The following CDKAL1 variants were observed in gnomAD, a reference collection of about 807,000 sequenced individuals.
The protein encoded by CDKAL1 is threonylcarbamoyladenosine tRNA methylthiotransferase.
Under a neutral mutation model 68.2 loss-of-function variants are expected in CDKAL1, and 32 were observed. The observed-to-expected ratio is 0.47, with a 90% confidence interval of 0.35 to 0.63. The LOEUF is 0.63. Among genes scored for constraint, CDKAL1 ranks in the 30% least tolerant of loss-of-function variants. The pLI is 0.00. For missense variants in CDKAL1, 606 were observed against 696.7 expected (o/e 0.87, Z 1.47); for synonymous variants, 234 against 244.3 (o/e 0.96, Z 0.39).
chr6:21,065,676 C>CTTTTTTTTTTT (rs200076110), intron 12 of CDKAL1, among the ~76,000 whole-genome samples: 1 of 133,234 alleles, frequency 7.5e-6, no homozygotes, highest in Non-Finnish European at 1.6e-5. Context: ...ATCTTTCTAC[C>CTTTTTTTTTTT]TTTTTTTTTT....
chr6:20,924,210 G>C (rs1030572892), intron 9 of CDKAL1, among the ~76,000 whole-genome samples: 1 of 146,348 alleles, frequency 6.8e-6, no homozygotes, highest in Non-Finnish European at 1.5e-5. Context: ...GAGTGGTCTA[G>C]ATAGAGTTAG....
chr6:21,105,686 G>A (rs1220711268), intron 12 of CDKAL1, among the ~76,000 whole-genome samples: 2 of 152,106 alleles, frequency 1.3e-5, no homozygotes, highest in Admixed American at 6.6e-5. Context: ...CCTAGAACAC[G>A]GGATACCAGT....
chr6:21,008,353 G>A (rs1383028946), intron 11 of CDKAL1, among the ~76,000 whole-genome samples: 1 of 152,168 alleles, frequency 6.6e-6, no homozygotes, highest in Non-Finnish European at 1.5e-5. Flanking sequence ...CAATATTTCA[G>A]TAATAATGGG....
intron 11 of CDKAL1, among the ~76,000 whole-genome samples, chr6:21,047,459 G>GTT (rs1770305910): frequency 6.6e-6 from 1 of 152,178 alleles, no homozygotes; most frequent in Non-Finnish European, 1.5e-5. Context: ...AGTCAAAACA[G>GTT]GGATTAATCA....
At chr6:20,642,005 T>G (rs1024707968) in intron 4 of CDKAL1, among the ~76,000 whole-genome samples, 3 of 152,224 alleles carry the variant, frequency 2.0e-5, no homozygotes, top group Non-Finnish European at 4.4e-5. Flanking sequence ...TTTCCCATTC[T>G]TTTGCTTGCA....
intron 9 of CDKAL1, among the ~76,000 whole-genome samples, chr6:20,899,386 C>T (rs1761858399): frequency 1.3e-5 from 2 of 152,080 alleles, no homozygotes; most frequent in Middle Eastern, 3.2e-3. Context: ...GCCACCACGC[C>T]ACAGTACGTC....
chr6:20,706,679 T>C (rs1771609414), intron 5 of CDKAL1, among the ~76,000 whole-genome samples: 1 of 152,246 alleles, frequency 6.6e-6, no homozygotes, highest in African/African-American at 2.4e-5. Flanking sequence ...ATATCTGTTA[T>C]ACAAGGTCAT....
At chr6:20,676,987 A>G (rs1032279761) in intron 5 of CDKAL1, among the ~76,000 whole-genome samples, 4 of 152,178 alleles carry the variant, frequency 2.6e-5, no homozygotes, top group African/African-American at 9.6e-5. Flanking sequence ...ATTTGCATAG[A>G]AGTCTGCAAA....
chr6:21,147,148 A>G (rs1314968124), intron 13 of CDKAL1, among the ~76,000 whole-genome samples: 1 of 152,118 alleles, frequency 6.6e-6, no homozygotes, highest in African/African-American at 2.4e-5. Context: ...AAGCATCACC[A>G]AGTCCAGGCA....
At chr6:20,617,271 T>C (rs1766960656) in intron 4 of CDKAL1, among the ~76,000 whole-genome samples, 1 of 139,822 alleles carries the variant, frequency 7.2e-6, no homozygotes, top group Admixed American at 7.5e-5. Flanking sequence ...TAGAAGTGTC[T>C]AGATGATTTT....
chr6:21,063,293 G>A (rs542096870), intron 11 of CDKAL1, among the ~76,000 whole-genome samples: 1 of 152,292 alleles, frequency 6.6e-6, no homozygotes, highest in Non-Finnish European at 1.5e-5. Context: ...TATGGACTCA[G>A]AGTAATACTG....
chr6:20,726,427 G>A (rs141080599), intron 5 of CDKAL1, among the ~76,000 whole-genome samples: 3 of 152,188 alleles, frequency 2.0e-5, no homozygotes, highest in Admixed American at 2.0e-4. Context: ...ACCTTGGGCA[G>A]ATGTTCTCAG....
chr6:20,728,281 A>G (rs946071974), intron 5 of CDKAL1, among the ~76,000 whole-genome samples: 1 of 152,230 alleles, frequency 6.6e-6, no homozygotes, highest in Non-Finnish European at 1.5e-5. Context: ...TATTGTATGC[A>G]CGATAGGCAC....
rs1767359296 is a variant in CDKAL1, at chr6:21,000,275, A to C, written c.958A>C (p.Ile320Leu). The change falls in exon 11 of 16, where the codon ATA (isoleucine) becomes CTA (leucine). Residue 320 changes from isoleucine to leucine, a missense_variant. By Grantham distance (5) the Ile-to-Leu change is conservative. Transcript: ENST00000274695. The stretch of plus-strand genomic sequence containing the variant: ...CCCCAGAGTCTACGCTTTTCTGCAC[A>C]TACCAGTCCAGTCTGCCTCCGACAG... ...NHPRVYAFLHIPVQSASDSVL... is the reference protein window; with the variant it reads ...NHPRVYAFLHLPVQSASDSVL... 6.2e-7 allele frequency: 1 copy of C among 1,613,922 alleles called. No individual in the cohort carries two copies. Among genetic ancestry groups the C allele is most frequent in the Admixed American group, 1.7e-5 (1 of 60,002 alleles).
intron 4 of CDKAL1, among the ~76,000 whole-genome samples, chr6:20,602,697 G>A (rs1766157204): frequency 6.6e-6 from 1 of 152,080 alleles, no homozygotes; most frequent in Admixed American, 6.6e-5. Context: ...CTTTCTCCAT[G>A]ATTCCTCAGA....
At chr6:21,061,019 G>A (rs1771115621) in intron 11 of CDKAL1, among the ~76,000 whole-genome samples, 1 of 152,110 alleles carries the variant, frequency 6.6e-6, no homozygotes, top group Non-Finnish European at 1.5e-5. Context: ...ACACCAAATG[G>A]CAAGTAAAAA....
intron 7 of CDKAL1, among the ~76,000 whole-genome samples, chr6:20,779,037 A>G (rs1581563112): frequency 6.6e-6 from 1 of 152,366 alleles, no homozygotes; most frequent in East Asian, 1.9e-4. Flanking sequence ...TCACATGAGA[A>G]GGTACTCAAC....
intron 4 of CDKAL1, among the ~76,000 whole-genome samples, chr6:20,585,198 A>G (rs866942268): frequency 1.3e-5 from 2 of 151,488 alleles, no homozygotes; most frequent in Non-Finnish European, 2.9e-5. Context: ...CTGGGACTAC[A>G]GGCGCCCACC....
chr6:20,851,863 TA>T (rs1759031719), intron 9 of CDKAL1, among the ~76,000 whole-genome samples: 1 of 151,966 alleles, frequency 6.6e-6, no homozygotes, highest in Non-Finnish European at 1.5e-5. Flanking sequence ...TTCTATTGTA[TA>T]AGCTTAAAAG....
Sources: allele counts gnomAD v4.1 joint callset (sites outside exome capture counted in the v4.1 genomes callset), GRCh38; gene constraint gnomAD v4.1.1; transcripts MANE v1.5; gene names NCBI Gene and HGNC (gene_info 2026-07-23, HGNC 2026-07-21).